Variants in AVEN observed in about 807,000 individuals in gnomAD.
The protein encoded by AVEN is cell death regulator Aven.
Under a neutral mutation model 38.1 loss-of-function variants are expected in AVEN, and 41 were observed. That is an observed-to-expected ratio of 1.08 (90% CI 0.84 to 1.40). The LOEUF (loss-of-function observed/expected upper bound fraction) is 1.40. Among genes scored for constraint, AVEN ranks in the 40% most tolerant of loss-of-function variants. The probability of loss-of-function intolerance (pLI) is 0.00; values close to 1 mark genes in which losing one functional copy is unlikely to be tolerated. For synonymous variants in AVEN, 206 were observed against 171.8 expected, an observed-to-expected ratio of 1.20 and a Z score of -1.56; for missense variants, 605 against 438.8, an observed-to-expected ratio of 1.38 and a Z score of -3.38.
At chr15:33,865,934 G>GTTAT (rs1890374060), downstream of AVEN, 1 of 152,670 alleles carries the variant, frequency 6.6e-6, no homozygotes, top group Admixed American at 6.5e-5. Flanking sequence ...GTCAACTGCT[G>GTTAT]TTATTAGAAG....
chr15:34,062,526 G>C (rs2140846093), intron 5 of AVEN: 1 of 559,906 alleles, frequency 1.8e-6, no homozygotes, highest in African/African-American at 2.1e-5. Context: ...CTGCACTCCA[G>C]CCTGGGTGAC....
intron 3 of AVEN, among the ~76,000 whole-genome samples, chr15:33,875,150 T>C (rs563967239): frequency 6.6e-6 from 1 of 152,218 alleles, no homozygotes; most frequent in African/African-American, 2.4e-5. Context: ...TACGCTGATG[T>C]GGGAGCAGAA....
rs1300407225 is a variant in AVEN, at chr15:33,860,646, G to A, written n.2730-1552C>T. 2.5e-6 allele frequency: 4 copies of A among 1,591,466 alleles called. No homozygotes were observed. The highest frequency in any genetic ancestry group is 8.6e-7 in the Non-Finnish European group (1 of 1,167,128). On this transcript the variant is annotated intron_variant and non_coding_transcript_variant, in intron 11 of 11. Transcript: ENST00000675287. ...CTAAGAGACCAGCAGGAACAAGTAC[G>A]AGAAGATATGGAGGTAATGTTACTC...
chr15:34,018,682 G>A (rs759159527), intron 1 of AVEN, among the ~76,000 whole-genome samples: 4 of 152,200 alleles, frequency 2.6e-5, no homozygotes, highest in Non-Finnish European at 4.4e-5. Context: ...ACTCCAGTGG[G>A]TTGCTGCTGC....
chr15:33,912,779 T>C (rs1374127812), intron 2 of AVEN, among the ~76,000 whole-genome samples: 5 of 152,210 alleles, frequency 3.3e-5, no homozygotes, highest in Non-Finnish European at 7.3e-5. Flanking sequence ...ACTGAGTCCC[T>C]ATAAGCCAGT....
intron 11 of AVEN, chr15:33,861,185 ATTCTTGG>A: frequency 1.3e-6 from 2 of 1,571,602 alleles, no homozygotes; most frequent in East Asian, 4.6e-5. Context: ...ACTTGTGAGT[ATTCTTGG>A]TTAACAAAAG....
chr15:34,008,451 T>C (rs1284891237), intron 1 of AVEN, among the ~76,000 whole-genome samples: 6 of 147,468 alleles, frequency 4.1e-5, no homozygotes, highest in Admixed American at 1.3e-4. Flanking sequence ...AGAAAAATAA[T>C]GCCTGAAAAC....
chr15:33,949,184 C>T (rs929587483), intron 2 of AVEN, among the ~76,000 whole-genome samples: 2 of 152,088 alleles, frequency 1.3e-5, no homozygotes, highest in African/African-American at 4.8e-5. Context: ...CCACCACGCC[C>T]GGCTAATTTT....
At chr15:33,915,543 T>C (rs1206543721) in intron 2 of AVEN, among the ~76,000 whole-genome samples, 1 of 152,132 alleles carries the variant, frequency 6.6e-6, no homozygotes, top group Non-Finnish European at 1.5e-5. Context: ...GGAAAGCCAT[T>C]TCTGACTGTC....
chr15:33,895,990 A>G (rs1392861463), intron 2 of AVEN, among the ~76,000 whole-genome samples: 1 of 152,146 alleles, frequency 6.6e-6, no homozygotes, highest in Non-Finnish European at 1.5e-5. Context: ...TTGGGTAGAG[A>G]ATTCAAAAGG....
At chr15:33,878,142 T>C (rs117255591) in intron 2 of AVEN, among the ~76,000 whole-genome samples, 4,949 of 152,330 alleles carry the variant, frequency 0.032, 158 homozygotes, top group Non-Finnish European at 0.039. Flanking sequence ...TAATGAAGTC[T>C]ATAAATTCAC....
intron 2 of AVEN, among the ~76,000 whole-genome samples, chr15:33,961,549 C>G (rs945166389): frequency 2.0e-5 from 3 of 150,392 alleles, no homozygotes; most frequent in Admixed American, 6.6e-5. Context: ...TGAGGTGGCT[C>G]ATGCCTGTAA....
At chr15:33,960,530 A>C (rs994670248) in intron 2 of AVEN, among the ~76,000 whole-genome samples, 3 of 152,174 alleles carry the variant, frequency 2.0e-5, no homozygotes, top group South Asian at 2.1e-4. Flanking sequence ...TACATTCATC[A>C]CTTAGCACAT....
intron 4 of AVEN, 120 bp from the exon 5 acceptor site, chr15:33,867,975 T>G: frequency 7.4e-7 from 1 of 1,359,812 alleles, no homozygotes. Flanking sequence ...TCAATTCAGA[T>G]AGTTCACAAA....
intron 3 of AVEN, 113 bp downstream of exon 3, chr15:33,875,812 T>C: frequency 2.9e-6 from 3 of 1,043,776 alleles, no homozygotes; most frequent in Non-Finnish European, 4.2e-6. Context: ...GAGGGTACAC[T>C]GTAAGAATTA....
chr15:33,899,030 T>C (rs1410676398), intron 2 of AVEN, among the ~76,000 whole-genome samples: 1 of 152,122 alleles, frequency 6.6e-6, no homozygotes, highest in Non-Finnish European at 1.5e-5. Flanking sequence ...GAGTCCAATT[T>C]GATAAAAGCA....
At chr15:33,864,122 C>CTT, downstream of AVEN, 1 of 1,599,058 alleles carries the variant, frequency 6.3e-7, no homozygotes, top group Non-Finnish European at 8.5e-7. Context: ...CTAATACTAT[C>CTT]TTTTCCTCGT....
At chr15:34,001,042 C>T (rs531828454) in intron 2 of AVEN, among the ~76,000 whole-genome samples, 3 of 128,302 alleles carry the variant, frequency 2.3e-5, no homozygotes, top group African/African-American at 3.4e-5. Flanking sequence ...TTTTTTGAGA[C>T]GGAGTTTTGC....
At chr15:33,964,618 C>T (rs183711282) in intron 2 of AVEN, among the ~76,000 whole-genome samples, 65 of 152,252 alleles carry the variant, frequency 4.3e-4, no homozygotes, top group Middle Eastern at 3.4e-3. Flanking sequence ...CATATCCCCC[C>T]TCATACCACT....
Sources: allele counts gnomAD v4.1 joint callset (sites outside exome capture counted in the v4.1 genomes callset), GRCh38; gene constraint gnomAD v4.1.1; transcripts MANE v1.5; gene names NCBI Gene and HGNC (gene_info 2026-07-23, HGNC 2026-07-21).